The following OSCP1 variants were observed in gnomAD, a reference collection of about 807,000 sequenced individuals.
The protein encoded by OSCP1 is protein OSCP1.
In OSCP1, 35 loss-of-function variants were observed where a neutral mutation model predicts 45.1. That is an observed-to-expected ratio of 0.78 (90% CI 0.59 to 1.03). The LOEUF is 1.03. Ranked by LOEUF, OSCP1 falls within the 50% of genes least tolerant of loss-of-function variation. The pLI is 0.00. For missense variants in OSCP1, 400 were observed against 470.7 expected, an observed-to-expected ratio of 0.85 and a Z score of 1.39; for synonymous variants, 179 against 180.1, an observed-to-expected ratio of 0.99 and a Z score of 0.05.
intron 2 of OSCP1, among the ~76,000 whole-genome samples, chr1:36,436,697 T>C (rs1481511899): frequency 1.3e-5 from 2 of 152,216 alleles, no homozygotes; most frequent in African/African-American, 4.8e-5. Flanking sequence ...GGAATTATTA[T>C]TATATTTTAC....
intron 1 of OSCP1, chr1:36,440,887 A>G (rs1483439893): frequency 6.6e-6 from 1 of 152,232 alleles, no homozygotes; most frequent in Non-Finnish European, 1.5e-5. Flanking sequence ...TGGTTAGGTT[A>G]ATGCTTACAA....
chr1:36,428,345 A>G (rs759272581), intron 4 of OSCP1: 13 of 1,612,238 alleles, frequency 8.1e-6, no homozygotes, highest in South Asian at 7.7e-5. Context: ...ACAAAACTCA[A>G]AGTTCTCAAA....
At chr1:36,433,596 C>T (rs1229761371) in intron 2 of OSCP1, among the ~76,000 whole-genome samples, 1 of 152,166 alleles carries the variant, frequency 6.6e-6, no homozygotes, top group African/African-American at 2.4e-5. Flanking sequence ...ACCTCAGGAT[C>T]ACGCAATATA....
intron 1 of OSCP1, among the ~76,000 whole-genome samples, chr1:36,439,391 C>T (rs1278784790): frequency 2.0e-5 from 3 of 151,944 alleles, no homozygotes; most frequent in South Asian, 2.1e-4. Context: ...GGTGTGGTGG[C>T]GGGCCTGGAA....
intron 2 of OSCP1, 71 bp downstream of exon 2, chr1:36,438,685 C>G: frequency 1.3e-6 from 2 of 1,513,966 alleles, no homozygotes; most frequent in South Asian, 2.6e-5. Context: ...TCTCATGTGA[C>G]CCCAGTCTAT....
chr1:36,430,603 C>CA (rs1012217297), intron 4 of OSCP1, among the ~76,000 whole-genome samples: 11 of 149,752 alleles, frequency 7.3e-5, no homozygotes, highest in South Asian at 4.2e-4. Context: ...GACACTGCCT[C>CA]AAAAAAAAAG....
intron 4 of OSCP1, among the ~76,000 whole-genome samples, chr1:36,429,535 ATTTTT>A (rs200043573): frequency 0.11 from 11,197 of 100,134 alleles, 510 homozygotes; most frequent in East Asian, 0.27. Context: ...GAAGCTTAGA[ATTTTT>A]TTTTTTTTTT....
intron 1 of OSCP1, among the ~76,000 whole-genome samples, chr1:36,442,873 G>A (rs909110167): frequency 6.6e-6 from 1 of 152,114 alleles, no homozygotes; most frequent in African/African-American, 2.4e-5. Flanking sequence ...CTGAATCAGA[G>A]AGTTTAAAGT....
chr1:36,439,467 G>A (rs1648979143), intron 1 of OSCP1, among the ~76,000 whole-genome samples: 1 of 152,002 alleles, frequency 6.6e-6, no homozygotes, highest in African/African-American at 2.4e-5. Context: ...TTGTGCTACT[G>A]TACTCCAGCC....
At position 36,450,277 on chromosome 1, in the gene OSCP1, C is replaced by T. The variant is rs150491917; in HGVS notation, c.93G>A (p.Pro31=). The part of the protein sequence containing the change: ...LDQRLRAQNI[P]GDKARKVLND... ...TCTCACCTTTGCGGGCCTTGTCTCCCGGGATGTTCTGGGCCCGCAGCCGTT... is the reference window on the plus strand; with the variant it reads ...TCTCACCTTTGCGGGCCTTGTCTCCTGGGATGTTCTGGGCCCGCAGCCGTT... Residue 31 remains proline, a synonymous_variant, in exon 1 of 10, where the codon CCG becomes CCA. Transcript: ENST00000235532. 6.2e-7 allele frequency: 1 copy of T among 1,613,312 alleles called. No homozygotes were observed. Among genetic ancestry groups the T allele is most frequent in the Non-Finnish European group, 8.5e-7 (1 of 1,179,762 alleles).
intron 4 of OSCP1, 130 bp from the exon 5 acceptor site, chr1:36,423,596 T>C (rs11263892): frequency 0.66 from 432,627 of 657,874 alleles, 143,405 homozygotes; most frequent in African/African-American, 0.78. Context: ...AGGGAGAGGC[T>C]GGGCGCAGTG....
chr1:36,449,886 G>C (rs562883395), intron 1 of OSCP1, among the ~76,000 whole-genome samples: 4 of 141,448 alleles, frequency 2.8e-5, no homozygotes, highest in Non-Finnish European at 4.5e-5. Context: ...CTGTTCCTTG[G>C]GGGTAAAGAG....
chr1:36,441,297 T>A (rs1261348911), intron 1 of OSCP1, among the ~76,000 whole-genome samples: 2 of 152,158 alleles, frequency 1.3e-5, no homozygotes, highest in Non-Finnish European at 2.9e-5. Flanking sequence ...GTTTTTGTCT[T>A]ACAATTTGCT....
At position 36,423,348 on chromosome 1, in the gene OSCP1, T is replaced by C. The variant is rs1647768659; in HGVS notation, c.620+15A>G. On this transcript the variant is annotated intron_variant, in intron 5 of 9. Coordinates refer to ENST00000235532, the MANE Select transcript of OSCP1 (RefSeq NM_145047.5). ...AGCACCCCAAACATAGCTCTGATCA[T>C]TGTTGGGAATTCACCTGATGAGTCC... The C allele has an allele frequency of 3.2e-6, 5 of 1,576,370 alleles. No individual in the cohort carries two copies. Among genetic ancestry groups the C allele is most frequent in the Non-Finnish European group, 4.4e-6 (5 of 1,145,772 alleles).
rs1649840907 is a variant in OSCP1, at chr1:36,450,451, T to C, written c.-82A>G. ...TGAAGGCCAGGCCGCAGCGTCCCAA[T>C]AGTCCGGTTGCTGGGGCAACGCCGT... On this transcript the variant is annotated 5_prime_UTR_variant, in exon 1 of 10. Coordinates refer to ENST00000235532, the MANE Select transcript of OSCP1 (RefSeq NM_145047.5). The C allele has an allele frequency of 8.6e-7, 1 of 1,167,870 alleles. No homozygotes were observed. The highest frequency in any genetic ancestry group is 1.3e-6 in the Non-Finnish European group (1 of 789,526). The allele number at this position is 1,167,870 out of a possible 1,614,324, so 72.3% of individuals were successfully genotyped here.
Position 36,450,327 on chromosome 1 carries a change from CG to C in OSCP1, c.42del (p.Glu16ArgfsTer24). On this transcript the variant is annotated frameshift_variant, in exon 1 of 10. Transcript: ENST00000235532. LOFTEE classifies it high-confidence loss of function. Reference sequence around the variant, plus strand: ...TGGTCGAGGATGTAAAGCATCTCCCCGCCCAAGTTCAAGAAGAGCAGCGGTA... The same window carrying C: ...TGGTCGAGGATGTAAAGCATCTCCCCCCCAAGTTCAAGAAGAGCAGCGGTA... ...RTLPLLFLNLGGEMLYILDQR... is the reference protein window; with the variant it reads ...RTLPLLFLNLXGEMLYILDQR... 1 of 1,613,864 alleles carries C rather than the reference CG, an allele frequency of 6.2e-7. No individual in the cohort carries two copies. Among genetic ancestry groups the C allele is most frequent in the East Asian group, 2.2e-5 (1 of 44,826 alleles).
At chr1:36,436,748 C>A (rs1648775327) in intron 2 of OSCP1, among the ~76,000 whole-genome samples, 1 of 152,046 alleles carries the variant, frequency 6.6e-6, no homozygotes, top group African/African-American at 2.4e-5. Flanking sequence ...ATTAGTTTCC[C>A]CCTGACATCC....
intron 2 of OSCP1, 148 bp from the exon 3 acceptor site, chr1:36,432,737 C>A: frequency 2.3e-6 from 2 of 852,368 alleles, no homozygotes; most frequent in Non-Finnish European, 1.9e-6. Context: ...ATCACCCAAA[C>A]CAAGACACTT....
In OSCP1 at chr1:36,438,820, C is replaced by G; in HGVS notation, c.203G>C (p.Arg68Thr). 6.2e-7 allele frequency: 1 copy of G among 1,614,184 alleles called. No individual in the cohort carries two copies. The highest frequency in any genetic ancestry group is 2.2e-5 in the East Asian group (1 of 44,892). The change falls in exon 2 of 10, where the codon AGG becomes ACG. Residue 68 changes from arginine to threonine, a missense_variant. By Grantham distance (71) the Arg-to-Thr change is moderately conservative (BLOSUM62 -1). Coordinates refer to ENST00000235532, the MANE Select transcript of OSCP1 (RefSeq NM_145047.5). The part of the protein sequence containing the change: ...PQELYSKKAL[R>T]TVYERLAHAS... ...ATGAGCCAGGCGCTCATAGACAGTC[C>G]TCAGGGCCTTCTTGGAGTAGAGCTC... is the stretch of plus-strand genomic sequence containing the variant.
Sources: allele counts gnomAD v4.1 joint callset (sites outside exome capture counted in the v4.1 genomes callset), GRCh38; gene constraint gnomAD v4.1.1; transcripts MANE v1.5; gene names NCBI Gene and HGNC (gene_info 2026-07-23, HGNC 2026-07-21).